The following PHACTR2 variants were observed in gnomAD, a reference collection of about 807,000 sequenced individuals.
PHACTR2 encodes the protein chromosome 6 open reading frame 56.
In PHACTR2, 30 loss-of-function variants were observed where a neutral mutation model predicts 76.0. That is an observed-to-expected ratio of 0.39 (90% CI 0.30 to 0.54). The LOEUF is 0.54. Ranked by LOEUF, PHACTR2 falls within the 20% of genes least tolerant of loss-of-function variation. The probability of loss-of-function intolerance (pLI) is 0.61; values close to 1 mark genes in which losing one functional copy is unlikely to be tolerated. For synonymous variants in PHACTR2, 292 were observed against 292.5 expected, an observed-to-expected ratio of 1.00 and a Z score of 0.02; for missense variants, 696 against 781.1, an observed-to-expected ratio of 0.89 and a Z score of 1.30.
At position 143,619,947 on chromosome 6, in the gene PHACTR2, C is replaced by G. The variant is rs1428455978; in HGVS notation, c.13+11625C>G. Among the ~76,000 whole-genome samples, 1 of 107,414 alleles carries G rather than the reference C, an allele frequency of 9.3e-6. No homozygotes were observed. Among genetic ancestry groups the G allele is most frequent in the African/African-American group, 3.2e-5 (1 of 31,322 alleles). The allele number at this position is 107,414 out of a possible 152,430, so 70.5% of individuals were successfully genotyped here. ...CTTGTGGTACTTACAGAACATGTCA[C>G]TCGGTCGGGGGTGGGGGGTCAGTTC... On this transcript the variant is annotated intron_variant, in intron 1 of 11. Coordinates refer to the PHACTR2 transcript ENST00000305766. This position sits in a 1 kb window ranked among gnomAD's most constrained non-coding sequence, Gnocchi z 4.5.
intron 2 of PHACTR2, among the ~76,000 whole-genome samples, chr6:143,715,176 T>G (rs1397882047): frequency 6.6e-6 from 1 of 152,222 alleles, no homozygotes; most frequent in Non-Finnish European, 1.5e-5. Flanking sequence ...TTATTTTCAT[T>G]CATTTCAACC....
intron 4 of PHACTR2, among the ~76,000 whole-genome samples, chr6:143,758,498 G>C (rs1355855745): frequency 6.6e-6 from 1 of 152,128 alleles, no homozygotes; most frequent in Non-Finnish European, 1.5e-5. Flanking sequence ...AAATTTTATA[G>C]GTGTGTATCA....
rs1274917771 is a variant in PHACTR2 at position 143,809,997 on chromosome 6, G to A, written c.1922+2864G>A. ...GTAGTGGCTCACAGCTGTAGTCCCA[G>A]CTACTTGGTAGGCTGAGGTGGGAGG... On this transcript the variant is annotated intron_variant, in intron 12 of 12. Coordinates refer to ENST00000440869, the MANE Select transcript of PHACTR2 (RefSeq NM_001100164.2). This position sits in a 1 kb window ranked among gnomAD's most constrained non-coding sequence, Gnocchi z 4.2. Among the ~76,000 whole-genome samples, 1 of 152,080 alleles carries A rather than the reference G, an allele frequency of 6.6e-6. No homozygotes were observed. The highest frequency in any genetic ancestry group is 1.5e-5 in the Non-Finnish European group (1 of 68,016).
At position 143,730,248 on chromosome 6, in the gene PHACTR2, A is replaced by G. The variant is rs1778670741; in HGVS notation, c.214+18065A>G. Among the ~76,000 whole-genome samples, 1 of 152,152 alleles carries G rather than the reference A, an allele frequency of 6.6e-6. No homozygotes were observed. Among genetic ancestry groups the G allele is most frequent in the Non-Finnish European group, 1.5e-5 (1 of 68,024 alleles). ...CTAGGATTTTTATTTAAACTGCATT[A>G]AATCTATGCTGCAGTTTGGGTAGAA... On this transcript the variant is annotated intron_variant, in intron 2 of 12. Transcript: ENST00000440869. The surrounding 1 kb of genome is among the most constrained non-coding windows in gnomAD (Gnocchi z 4.8).
intron 1 of PHACTR2, among the ~76,000 whole-genome samples, chr6:143,594,291 C>T (rs1423928787): frequency 1.3e-5 from 2 of 152,148 alleles, no homozygotes; most frequent in African/African-American, 2.4e-5. Flanking sequence ...AAGGGACAGT[C>T]GACCTGTACT....
chr6:143,779,076 C>T (rs1455419682), intron 9 of PHACTR2, among the ~76,000 whole-genome samples: 1 of 152,094 alleles, frequency 6.6e-6, no homozygotes, highest in East Asian at 1.9e-4. Context: ...CCTAGAGAGG[C>T]TGATAACTGG....
chr6:143,700,572 G>C lies in PHACTR2; in HGVS notation c.47-11444G>C, dbSNP rs186337889. On this transcript the variant is annotated intron_variant, in intron 1 of 12. Coordinates refer to ENST00000440869, the MANE Select transcript of PHACTR2 (RefSeq NM_001100164.2). This position sits in a 1 kb window ranked among gnomAD's most constrained non-coding sequence, Gnocchi z 4.1. The stretch of plus-strand genomic sequence containing the variant: ...CCATTGATTGGGGGCAGTGGGGAGG[G>C]GGGGCGAGAGGAGAACTGTGATATT... Among the ~76,000 whole-genome samples the C allele has an allele frequency of 1.7e-4, 26 of 152,226 alleles. 1 individual carries two copies. In the East Asian group the frequency reaches 4.8e-3, roughly 28 times the overall value.
intron 1 of PHACTR2, among the ~76,000 whole-genome samples, chr6:143,575,777 C>T (rs536790839): frequency 6.6e-6 from 1 of 152,064 alleles, no homozygotes; most frequent in South Asian, 2.1e-4. Flanking sequence ...TTTATTGAAC[C>T]GTTTTGTTAA....
In PHACTR2 at chr6:143,556,671, T is replaced by C. The variant is rs895826629; in HGVS notation, c.217+19464T>C. The stretch of plus-strand genomic sequence containing the variant: ...CTAGGTTTGAAGCTTTCAGCTGCTA[T>C]CAGATTTGAACCTCTCAGCTCACAG... On this transcript the variant is annotated intron_variant, in intron 1 of 11. Coordinates refer to the PHACTR2 transcript ENST00000367584. This position sits in a 1 kb window ranked among gnomAD's most constrained non-coding sequence, Gnocchi z 4.3. Among the ~76,000 whole-genome samples, 1 of 152,116 alleles carries C rather than the reference T, an allele frequency of 6.6e-6. No individual in the cohort carries two copies. The highest frequency in any genetic ancestry group is 1.5e-5 in the Non-Finnish European group (1 of 68,024).
At chr6:143,604,096 CAAAAAAA>C (rs5880568), upstream of PHACTR2, among the ~76,000 whole-genome samples, 16 of 110,350 alleles carry the variant, frequency 1.4e-4, no homozygotes, top group East Asian at 6.2e-4. Context: ...GACTCTGATT[CAAAAAAA>C]AAAAAAAAAA....
rs982069981 is a variant in PHACTR2, at chr6:143,664,666, T to C, written c.14-47350T>C. Among the ~76,000 whole-genome samples, 8 of 152,212 alleles carry C rather than the reference T, an allele frequency of 5.3e-5. No homozygotes were observed. Among genetic ancestry groups the C allele is most frequent in the Non-Finnish European group, 1.5e-5 (1 of 68,020 alleles). ...AGGACTTTAACATACATGTTAAAAC[T>C]TCACTACTTCCTCATTTGCAGAGCC... On this transcript the variant is annotated intron_variant, in intron 1 of 11. Coordinates refer to the PHACTR2 transcript ENST00000305766. The surrounding 1 kb of genome is among the most constrained non-coding windows in gnomAD (Gnocchi z 5.1).
At position 143,757,436 on chromosome 6, in the gene PHACTR2, A is replaced by C. The variant is rs1779327492; in HGVS notation, c.455-2965A>C. Reference sequence around the variant, plus strand: ...TGAAGGAAACAAGAAGGAGGTCATCAAGTGAAGCAGAGGAATTGGGTAAGA... The same window carrying C: ...TGAAGGAAACAAGAAGGAGGTCATCCAGTGAAGCAGAGGAATTGGGTAAGA... On this transcript the variant is annotated intron_variant, in intron 4 of 12. Coordinates refer to ENST00000440869, the MANE Select transcript of PHACTR2 (RefSeq NM_001100164.2). This position sits in a 1 kb window ranked among gnomAD's most constrained non-coding sequence, Gnocchi z 4.2. Among the ~76,000 whole-genome samples, 1 of 152,238 alleles carries C rather than the reference A, an allele frequency of 6.6e-6. No homozygotes were observed. The highest frequency in any genetic ancestry group is 2.4e-5 in the African/African-American group (1 of 41,462).
Position 143,578,859 on chromosome 6 carries a change from TG to T in PHACTR2, c.217+41653del, listed in dbSNP as rs1168203717. Among the ~76,000 whole-genome samples the T allele has an allele frequency of 6.6e-6, 1 of 152,088 alleles. No individual in the cohort carries two copies. The highest frequency in any genetic ancestry group is 1.5e-5 in the Non-Finnish European group (1 of 68,022). On this transcript the variant is annotated intron_variant, in intron 1 of 11. Transcript: ENST00000367584. This position sits in a 1 kb window ranked among gnomAD's most constrained non-coding sequence, Gnocchi z 4.5. ...TTTCAAAAATGCCTATTGTGATTTGTGTTTTTACCCATATCCCCTCTACCCT... is the reference window on the plus strand; with the variant it reads ...TTTCAAAAATGCCTATTGTGATTTGTTTTTTACCCATATCCCCTCTACCCT...
rs1307179756 is a variant in PHACTR2, at chr6:143,761,556, C to T, written c.694+916C>T. Among the ~76,000 whole-genome samples the T allele has an allele frequency of 6.6e-6, 1 of 152,050 alleles. No homozygotes were observed. Among genetic ancestry groups the T allele is most frequent in the African/African-American group, 2.4e-5 (1 of 41,406 alleles). Reference sequence around the variant, plus strand: ...ATCACTTGAGGTCAGGAGTTCGAGACCAACCTGGTCAACATGGTGAAACCC... The same window carrying T: ...ATCACTTGAGGTCAGGAGTTCGAGATCAACCTGGTCAACATGGTGAAACCC... On this transcript the variant is annotated intron_variant, in intron 5 of 12. Transcript: ENST00000440869. The surrounding 1 kb of genome is among the most constrained non-coding windows in gnomAD (Gnocchi z 5.2).
intron 1 of PHACTR2, among the ~76,000 whole-genome samples, chr6:143,545,302 G>A (rs1390809007): frequency 6.6e-6 from 1 of 152,142 alleles, no homozygotes; most frequent in African/African-American, 2.4e-5. Context: ...TGGGGTTAGT[G>A]TGTAAACCTC....
In PHACTR2 at chr6:143,641,166, C is replaced by T. The variant is rs373329694; in HGVS notation, c.13+32844C>T. Among the ~76,000 whole-genome samples the T allele has an allele frequency of 2.0e-5, 3 of 152,084 alleles. No homozygotes were observed. On this transcript the variant is annotated intron_variant, in intron 1 of 11. Transcript: ENST00000305766. This position sits in a 1 kb window ranked among gnomAD's most constrained non-coding sequence, Gnocchi z 5.8. ...AGGGGGTTCAAACTTGCCATTTTAT[C>T]GCAACATTAATCCCACCCTTTGCAG...
chr6:143,582,012 A>G (rs1161561387), intron 1 of PHACTR2, among the ~76,000 whole-genome samples: 1 of 152,216 alleles, frequency 6.6e-6, no homozygotes, highest in African/African-American at 2.4e-5. Context: ...AAAAGGCTGT[A>G]CCGTCAATAT....
chr6:143,823,484 C>T lies in PHACTR2; in HGVS notation c.1923-190C>T, dbSNP rs1374208067. ...TATGTAAACATATATATAAGGAAAG[C>T]GTTTATATATGCTTTCCTTAATAAT... On this transcript the variant is annotated intron_variant, in intron 12 of 12. Coordinates refer to ENST00000440869, the MANE Select transcript of PHACTR2 (RefSeq NM_001100164.2). This position sits in a 1 kb window ranked among gnomAD's most constrained non-coding sequence, Gnocchi z 5.7. 5.3e-5 allele frequency among the ~76,000 whole-genome samples: 8 copies of T among 151,970 alleles called. No homozygotes were observed. The South Asian group carries it at 1.4e-3, about 28-fold the overall frequency.
In PHACTR2 at chr6:143,619,565, T is replaced by C. The variant is rs1776116295; in HGVS notation, c.13+11243T>C. ...AAAGAAGCATCTTTCTTTGAGACTG[T>C]TGCATGGGAATGGTGGTACATTCTG... On this transcript the variant is annotated intron_variant, in intron 1 of 11. Coordinates refer to the PHACTR2 transcript ENST00000305766. The surrounding 1 kb of genome is among the most constrained non-coding windows in gnomAD (Gnocchi z 4.5). Among the ~76,000 whole-genome samples, 1 of 152,214 alleles carries C rather than the reference T, an allele frequency of 6.6e-6. No homozygotes were observed. The highest frequency in any genetic ancestry group is 2.1e-4 in the South Asian group (1 of 4,834).
Sources: allele counts gnomAD v4.1 joint callset (sites outside exome capture counted in the v4.1 genomes callset), GRCh38; gene constraint gnomAD v4.1.1; non-coding constraint Gnocchi (gnomAD v3.1); transcripts MANE v1.5; gene names NCBI Gene and HGNC (gene_info 2026-07-23, HGNC 2026-07-21).